The following BRINP3 variants were observed in gnomAD, a reference collection of about 807,000 sequenced individuals.
BRINP3 encodes BMP/retinoic acid inducible neural specific 3.
Under a neutral mutation model 71.0 loss-of-function variants are expected in BRINP3, and 19 were observed. The observed-to-expected ratio is 0.27, with a 90% confidence interval of 0.19 to 0.39. The LOEUF (loss-of-function observed/expected upper bound fraction) is 0.39. BRINP3 is among the 10% of genes least tolerant of loss of function. BRINP3 has a pLI of 1.00. For missense variants in BRINP3, 959 were observed against 940.8 expected, an observed-to-expected ratio of 1.02 and a Z score of -0.25; for synonymous variants, 380 against 337.7, an observed-to-expected ratio of 1.13 and a Z score of -1.37.
chr1:190,433,170 G>A (rs1674216969), intron 2 of BRINP3, among the ~76,000 whole-genome samples: 1 of 152,134 alleles, frequency 6.6e-6, no homozygotes, highest in Non-Finnish European at 1.5e-5. Context: ...ACTTTTCATA[G>A]ACCACTGCAA....
rs140899466 is a variant in BRINP3 at position 190,452,597 on chromosome 1, G to A, written c.236+2058C>T. On this transcript the variant is annotated intron_variant, in intron 2 of 7. Transcript: ENST00000367462. ...AAGCTGGCCGCGCACGGTGGCTCAC[G>A]CCTGTAATCCCAGCACTTTAGGAGG... Among the ~76,000 whole-genome samples the A allele has an allele frequency of 3.8e-4, 58 of 152,196 alleles. 1 individual carries two copies. The highest frequency in any genetic ancestry group is 1.4e-3 in the African/African-American group (58 of 41,532).
chr1:190,440,501 A>G (rs557680123), intron 2 of BRINP3, among the ~76,000 whole-genome samples: 7 of 151,962 alleles, frequency 4.6e-5, no homozygotes, highest in Non-Finnish European at 1.0e-4. Flanking sequence ...CAAATAGATT[A>G]TGTCAGAAAG....
intron 2 of BRINP3, among the ~76,000 whole-genome samples, chr1:190,434,866 C>G (rs763886151): frequency 1.5e-4 from 23 of 152,104 alleles, no homozygotes; most frequent in Admixed American, 5.2e-4. Flanking sequence ...GGGCTTCCTT[C>G]CATGCTATAC....
chr1:190,321,487 T>C (rs942323756), intron 2 of BRINP3, among the ~76,000 whole-genome samples: 2 of 152,126 alleles, frequency 1.3e-5, no homozygotes, highest in African/African-American at 4.8e-5. Context: ...GAGACTTCTA[T>C]ATATTTCAAA....
intron 2 of BRINP3, among the ~76,000 whole-genome samples, chr1:190,371,572 T>C (rs975355579): frequency 3.3e-5 from 5 of 152,232 alleles, no homozygotes; most frequent in African/African-American, 1.2e-4. Context: ...CTTTGATTAC[T>C]ATAGCTTTGC....
At chr1:190,246,784 T>G (rs1399810149) in intron 4 of BRINP3, among the ~76,000 whole-genome samples, 2 of 152,022 alleles carry the variant, frequency 1.3e-5, no homozygotes, top group Admixed American at 6.6e-5. Flanking sequence ...ATTTTACTTA[T>G]TGATGTAACT....
chr1:190,248,458 A>G (rs1659817409), intron 4 of BRINP3, among the ~76,000 whole-genome samples: 1 of 151,792 alleles, frequency 6.6e-6, no homozygotes, highest in Admixed American at 6.6e-5. Context: ...CCACCTGCCC[A>G]TTAAGATACT....
chr1:190,157,142 AT>A (rs930073150), intron 7 of BRINP3, among the ~76,000 whole-genome samples: 4 of 151,892 alleles, frequency 2.6e-5, no homozygotes, highest in African/African-American at 9.7e-5. Flanking sequence ...AAAAAAAAAA[AT>A]TAACACATAC....
At chr1:190,444,903 T>G (rs1675107513) in intron 2 of BRINP3, among the ~76,000 whole-genome samples, 2 of 152,188 alleles carry the variant, frequency 1.3e-5, no homozygotes, top group African/African-American at 4.8e-5. Flanking sequence ...AATGGAATAT[T>G]TAATAAGATA....
intron 2 of BRINP3, among the ~76,000 whole-genome samples, chr1:190,296,842 A>C (rs1393663817): frequency 1.3e-5 from 2 of 152,068 alleles, no homozygotes; most frequent in Non-Finnish European, 1.5e-5. Flanking sequence ...GAGTAAATTT[A>C]ACCAAATAAG....
chr1:190,443,404 C>CAAAA (rs560504461), intron 2 of BRINP3, among the ~76,000 whole-genome samples: 1 of 73,594 alleles, frequency 1.4e-5, no homozygotes, highest in Non-Finnish European at 2.9e-5. Flanking sequence ...GACTCCGTCT[C>CAAAA]AAAAAAAAAA....
intron 2 of BRINP3, among the ~76,000 whole-genome samples, chr1:190,450,742 T>C (rs1247099770): frequency 5.9e-5 from 9 of 152,096 alleles, no homozygotes. Flanking sequence ...TTGAGATCAT[T>C]ATTCCATATA....
intron 2 of BRINP3, among the ~76,000 whole-genome samples, chr1:190,452,967 AGAGATGCC>A (rs1349774644): frequency 4.6e-5 from 7 of 152,286 alleles, no homozygotes; most frequent in African/African-American, 1.4e-4. Context: ...ACCTCCAGAT[AGAGATGCC>A]GATAAATCAC....
chr1:190,257,321 T>C (rs557955302), intron 4 of BRINP3, among the ~76,000 whole-genome samples: 5 of 152,342 alleles, frequency 3.3e-5, no homozygotes, highest in African/African-American at 9.6e-5. Context: ...TCTCGTGCCA[T>C]GGTTTTCAGC....
chr1:190,403,492 A>G lies in BRINP3; in HGVS notation c.236+51163T>C, dbSNP rs192406853. On this transcript the variant is annotated intron_variant, in intron 2 of 7. Transcript: ENST00000367462. ...TTATGTATTGAAAAAGAGGTGCCAAAATAGCATTATCTTAGATAAAATAAA... is the reference window on the plus strand; with the variant it reads ...TTATGTATTGAAAAAGAGGTGCCAAGATAGCATTATCTTAGATAAAATAAA... Among the ~76,000 whole-genome samples, 38 of 152,320 alleles carry G rather than the reference A, an allele frequency of 2.5e-4. No individual in the cohort carries two copies. In the East Asian group the frequency reaches 5.6e-3, roughly 22 times the overall value.
chr1:190,186,462 T>C (rs146508268), intron 6 of BRINP3, among the ~76,000 whole-genome samples: 28 of 152,280 alleles, frequency 1.8e-4, no homozygotes, highest in Admixed American at 2.6e-4. Flanking sequence ...AAATAAAATA[T>C]ATTGTGGATT....
intron 7 of BRINP3, among the ~76,000 whole-genome samples, chr1:190,131,862 C>T (rs1654571720): frequency 6.6e-6 from 1 of 151,942 alleles, no homozygotes; most frequent in Admixed American, 6.6e-5. Flanking sequence ...ATTTAATATT[C>T]TGTATTGGTC....
chr1:190,366,388 T>C (rs1471173511), intron 2 of BRINP3, among the ~76,000 whole-genome samples: 1 of 152,074 alleles, frequency 6.6e-6, no homozygotes, highest in Non-Finnish European at 1.5e-5. Flanking sequence ...AGCATGAGGG[T>C]AACTGCCCCC....
intron 6 of BRINP3, among the ~76,000 whole-genome samples, chr1:190,221,665 CA>C (rs1475641950): frequency 6.6e-6 from 1 of 151,944 alleles, no homozygotes; most frequent in Non-Finnish European, 1.5e-5. Context: ...ATGTTGCCTT[CA>C]AAAAATCCAC....
Sources: gnomAD v4.1 joint callset for allele counts (sites outside exome capture counted in the v4.1 genomes callset) on GRCh38, gnomAD v4.1.1 for gene constraint, MANE v1.5 for transcripts, NCBI Gene and HGNC (gene_info 2026-07-23, HGNC 2026-07-21) for gene names.